The following INPP5B variants were observed in gnomAD, a reference collection of about 807,000 sequenced individuals.
INPP5B encodes inositol polyphosphate-5-phosphatase B.
In INPP5B, 90 loss-of-function variants were observed where a neutral mutation model predicts 118.5. That is an observed-to-expected ratio of 0.76 (90% CI 0.64 to 0.90). The LOEUF (loss-of-function observed/expected upper bound fraction) is 0.90, where lower values mean the gene tolerates loss of function less well. Ranked by LOEUF, INPP5B falls within the 40% of genes least tolerant of loss-of-function variation. The pLI, the probability that INPP5B is intolerant of heterozygous loss-of-function variation, is 0.00. For missense variants in INPP5B, 984 were observed against 1,125.6 expected, an observed-to-expected ratio of 0.87 and a Z score of 1.80; for synonymous variants, 385 against 418.9, an observed-to-expected ratio of 0.92 and a Z score of 0.99.
chr1:37,939,635 G>C (rs1313093994), intron 6 of INPP5B, among the ~76,000 whole-genome samples: 1 of 123,762 alleles, frequency 8.1e-6, no homozygotes, highest in Non-Finnish European at 1.9e-5. Flanking sequence ...AGTAGAGACG[G>C]GGTTTCACCG....
At chr1:37,866,421 C>CACACACACACACACAT in intron 21 of INPP5B, 38 bp downstream of exon 21, 1 of 1,050,012 alleles carries the variant, frequency 9.5e-7, no homozygotes, top group Non-Finnish European at 1.5e-6. Context: ...CACACACACA[C>CACACACACACACACAT]ACACACACAC....
At chr1:37,939,506 G>A (rs1645833763) in intron 6 of INPP5B, among the ~76,000 whole-genome samples, 2 of 148,984 alleles carry the variant, frequency 1.3e-5, no homozygotes, top group South Asian at 2.2e-4. Context: ...GTGCAGTGGC[G>A]CAATCTCGGC....
chr1:37,907,076 T>G lies in INPP5B; in HGVS notation c.533-15622A>C, dbSNP rs940367798. On this transcript the variant is annotated intron_variant, in intron 7 of 23. Coordinates refer to ENST00000373024, the MANE Select transcript of INPP5B (RefSeq NM_005540.3). This position sits in a 1 kb window ranked among gnomAD's most constrained non-coding sequence, Gnocchi z 4.3. Reference sequence around the variant, plus strand: ...ATTCTGGGCATATATTGGAATCAGCTAGCAATCCCATATCAGCTTGGTTCC... The same window carrying G: ...ATTCTGGGCATATATTGGAATCAGCGAGCAATCCCATATCAGCTTGGTTCC... Among the ~76,000 whole-genome samples the G allele has an allele frequency of 1.3e-5, 2 of 152,196 alleles. No individual in the cohort carries two copies. Among genetic ancestry groups the G allele is most frequent in the African/African-American group, 4.8e-5 (2 of 41,438 alleles).
chr1:37,906,734 C>T (rs886079198), intron 7 of INPP5B, among the ~76,000 whole-genome samples: 1 of 151,800 alleles, frequency 6.6e-6, no homozygotes, highest in Non-Finnish European at 1.5e-5. Context: ...GTGGTGTGTG[C>T]CTATAATCCC....
intron 7 of INPP5B, among the ~76,000 whole-genome samples, chr1:37,922,093 G>A (rs114299797): frequency 0.018 from 2,726 of 151,940 alleles, 44 homozygotes; most frequent in Middle Eastern, 0.041. Flanking sequence ...TCCTGGCTAC[G>A]TAGGAGGCTG....
chr1:37,876,703 C>CAAAAAAAAAAA (rs754849945), intron 16 of INPP5B, among the ~76,000 whole-genome samples: 9 of 80,610 alleles, frequency 1.1e-4, no homozygotes, highest in Admixed American at 1.5e-4. Flanking sequence ...ACTAAAAATA[C>CAAAAAAAAAAA]AAAAAAAAAA....
At chr1:37,863,816 C>CT (rs1250313560) in intron 23 of INPP5B, among the ~76,000 whole-genome samples, 153 of 137,766 alleles carry the variant, frequency 1.1e-3, no homozygotes, top group East Asian at 1.5e-3. Flanking sequence ...CATGACTATA[C>CT]TTTTTTTTTT....
At chr1:37,906,577 T>C (rs916661626) in intron 7 of INPP5B, among the ~76,000 whole-genome samples, 1 of 152,128 alleles carries the variant, frequency 6.6e-6, no homozygotes, top group Admixed American at 6.6e-5. Context: ...ATGGTTAGGC[T>C]GGGCATGGTG....
At chr1:37,931,342 T>G in intron 7 of INPP5B, 1 of 1,065,304 alleles carries the variant, frequency 9.4e-7, no homozygotes. Context: ...AAGATCAGGA[T>G]TGAAGAGCAA....
At chr1:37,876,376 G>T (rs1177213196) in intron 16 of INPP5B, among the ~76,000 whole-genome samples, 1 of 151,402 alleles carries the variant, frequency 6.6e-6, no homozygotes, top group African/African-American at 2.4e-5. Flanking sequence ...AAAGTGCTGG[G>T]ATTACAGGTG....
intron 7 of INPP5B, among the ~76,000 whole-genome samples, chr1:37,923,939 G>A (rs1645139123): frequency 6.6e-6 from 1 of 151,832 alleles, no homozygotes; most frequent in Non-Finnish European, 1.5e-5. Flanking sequence ...CACCACACCT[G>A]GCTAATTTTT....
At chr1:37,942,799 C>T (rs1295261905) in intron 5 of INPP5B, among the ~76,000 whole-genome samples, 1 of 151,828 alleles carries the variant, frequency 6.6e-6, no homozygotes, top group African/African-American at 2.4e-5. Flanking sequence ...ATCCCAGCTA[C>T]TTGGGAAGCA....
intron 22 of INPP5B, 35 bp from the exon 23 acceptor site, chr1:37,864,458 C>T (rs376588823): frequency 7.9e-7 from 1 of 1,263,084 alleles, no homozygotes. Flanking sequence ...GTCTTTTGTT[C>T]ACTGAATCAT....
At chr1:37,914,984 C>A (rs1186702102) in intron 7 of INPP5B, among the ~76,000 whole-genome samples, 1 of 152,186 alleles carries the variant, frequency 6.6e-6, no homozygotes, top group Non-Finnish European at 1.5e-5. Flanking sequence ...CAATTGAAAC[C>A]ATTTCCCTAG....
At position 37,931,502 on chromosome 1, in the gene INPP5B, G is replaced by T. The variant is rs372698433; in HGVS notation, c.532+411C>A. On this transcript the variant is annotated intron_variant, in intron 7 of 23. Transcript: ENST00000373024. Reference sequence around the variant, plus strand: ...TACCCTCGTCACGCACGCCTAAGAAGAACATCACAGAACTTCTGCCCCAGT... The same window carrying T: ...TACCCTCGTCACGCACGCCTAAGAATAACATCACAGAACTTCTGCCCCAGT... The T allele has an allele frequency of 3.8e-5, 59 of 1,534,618 alleles. No individual in the cohort carries two copies. The East Asian group carries it at 6.1e-4, about 16-fold the overall frequency.
At chr1:37,877,443 C>A (rs527354307) in intron 16 of INPP5B, among the ~76,000 whole-genome samples, 98 of 151,672 alleles carry the variant, frequency 6.5e-4, no homozygotes, top group African/African-American at 2.2e-3. Context: ...ATTGGGTTGG[C>A]AAAAATTTTG....
chr1:37,916,348 C>T (rs1644860895), intron 7 of INPP5B, among the ~76,000 whole-genome samples: 1 of 152,040 alleles, frequency 6.6e-6, no homozygotes, highest in Middle Eastern at 3.4e-3. Context: ...CCCACCTCGA[C>T]CTCCCAAAAT....
chr1:37,932,075 C>T, intron 6 of INPP5B, 22 bp from the exon 7 acceptor site: 1 of 1,551,834 alleles, frequency 6.4e-7, no homozygotes, highest in Non-Finnish European at 8.7e-7. Context: ...CAAATGGGGG[C>T]AGACTGAGCC....
rs139904985 is a variant in INPP5B at position 37,939,067 on chromosome 1, G to A, written c.391+1621C>T. Reference sequence around the variant, plus strand: ...AAATCAGCTGGGCGTGGTGGTGGGCGCCAGTAATCCCAGCTACTCGGGAGG... The same window carrying A: ...AAATCAGCTGGGCGTGGTGGTGGGCACCAGTAATCCCAGCTACTCGGGAGG... On this transcript the variant is annotated intron_variant, in intron 6 of 23. Transcript: ENST00000373024. Among the ~76,000 whole-genome samples the A allele has an allele frequency of 3.2e-4, 49 of 151,996 alleles. No homozygotes were observed. In the South Asian group the frequency reaches 3.3e-3, roughly 10 times the overall value.
Sources: allele counts gnomAD v4.1 joint callset (sites outside exome capture counted in the v4.1 genomes callset), GRCh38; gene constraint gnomAD v4.1.1; non-coding constraint Gnocchi (gnomAD v3.1); transcripts MANE v1.5; gene names NCBI Gene and HGNC (gene_info 2026-07-23, HGNC 2026-07-21).